The following NCOR1 variants were observed in gnomAD, a reference collection of about 807,000 sequenced individuals.
The protein encoded by NCOR1 is nuclear receptor corepressor 1.
Under a neutral mutation model 288.1 loss-of-function variants are expected in NCOR1, and 63 were observed. The ratio of observed to expected loss-of-function variants is 0.22; its 90% CI spans 0.18 to 0.27. NCOR1 has a LOEUF of 0.27. Among genes scored for constraint, NCOR1 ranks in the 10% least tolerant of loss-of-function variants. NCOR1 has a pLI of 1.00. For missense variants in NCOR1, 2,397 were observed against 3,019.2 expected (o/e 0.79, Z 4.83); for synonymous variants, 1,007 against 1,065.9 (o/e 0.94, Z 1.08).
chr17:16,170,840 C>CAA (rs556473992), intron 4 of NCOR1, among the ~76,000 whole-genome samples: 1 of 74,006 alleles, frequency 1.4e-5, no homozygotes, highest in Non-Finnish European at 2.7e-5. Context: ...GACTCCATCT[C>CAA]AAAAAAAAAA....
intron 45 of NCOR1, among the ~76,000 whole-genome samples, chr17:16,033,693 G>A (rs967951537): frequency 1.3e-5 from 2 of 152,116 alleles, no homozygotes; most frequent in Non-Finnish European, 2.9e-5. Flanking sequence ...TGTGATCATA[G>A]TTATTACATA....
chr17:16,198,357 CAA>C (rs55993030), intron 1 of NCOR1: 32,591 of 79,380 alleles, frequency 0.41, 3,987 homozygotes, highest in Middle Eastern at 0.53. Context: ...GACTCCGTCT[CAA>C]AAAAAAAAAA....
chr17:16,128,366 C>G (rs938657982), intron 14 of NCOR1, among the ~76,000 whole-genome samples: 5 of 152,180 alleles, frequency 3.3e-5, no homozygotes, highest in African/African-American at 9.7e-5. Flanking sequence ...GGGGCCATGT[C>G]CTTCCCTCTC....
rs1158715362 is a variant in NCOR1 at position 16,127,413 on chromosome 17, A to G, written c.1510-1207T>C. 4.4e-5 allele frequency among the ~76,000 whole-genome samples: 4 copies of G among 90,044 alleles called. 1 individual carries two copies. Among genetic ancestry groups the G allele is most frequent in the African/African-American group, 2.2e-4 (4 of 18,418 alleles). 59.1% of individuals were successfully genotyped at this position (90,044 alleles called of 152,430 possible). A position where few individuals can be genotyped will look rare whatever the true frequency, so the allele number is the denominator to read the frequency against. On this transcript the variant is annotated intron_variant, in intron 14 of 45. Coordinates refer to ENST00000268712, the MANE Select transcript of NCOR1 (RefSeq NM_006311.4). ...TATATACATGTGTATATGTGTATGTATATATACATGTGTATATGTGTATGT... is the reference window on the plus strand; with the variant it reads ...TATATACATGTGTATATGTGTATGTGTATATACATGTGTATATGTGTATGT...
chr17:16,195,281 G>A (rs1344541518), intron 1 of NCOR1, among the ~76,000 whole-genome samples: 1 of 152,088 alleles, frequency 6.6e-6, no homozygotes, highest in Non-Finnish European at 1.5e-5. Flanking sequence ...GACCAGCCTG[G>A]CCAACATGGT....
chr17:16,143,757 AAATT>A (rs1184756777), intron 10 of NCOR1, 61 bp from the exon 11 acceptor site: 12 of 1,224,470 alleles, frequency 9.8e-6, no homozygotes, highest in Non-Finnish European at 1.4e-5. Flanking sequence ...CATATCAATT[AAATT>A]AACTATAGAT....
rs2153055523 is a variant in NCOR1, at chr17:16,108,844, A to G, written c.2124T>C (p.Ala708=). 1.2e-6 allele frequency: 2 copies of G among 1,608,330 alleles called. No individual in the cohort carries two copies. Among genetic ancestry groups the G allele is most frequent in the Admixed American group, 1.7e-5 (1 of 59,582 alleles). The change falls in exon 19 of 46, where the codon GCT becomes GCC. Residue 708 remains alanine, a synonymous_variant. Transcript: ENST00000268712. ...QCESVASTVS[A]QEDEDIEASN... The stretch of plus-strand genomic sequence containing the variant: ...AGGCTTCAATATCTTCATCCTCCTG[A>G]GCAGAAACAGTGGAAGCGACACTTT...
intron 18 of NCOR1, among the ~76,000 whole-genome samples, chr17:16,111,111 T>TCC (rs1278292593): frequency 2.0e-5 from 3 of 152,200 alleles, no homozygotes; most frequent in Non-Finnish European, 4.4e-5. Flanking sequence ...CCAGTGTATG[T>TCC]CCCTCTCTCA....
intron 11 of NCOR1, among the ~76,000 whole-genome samples, chr17:16,139,777 G>A (rs1182181506): frequency 3.3e-5 from 5 of 152,050 alleles, no homozygotes; most frequent in Non-Finnish European, 5.9e-5. Context: ...TTTGTTACAC[G>A]TGCAGAACTT....
Position 16,061,773 on chromosome 17 carries a change from A to G in NCOR1, c.5509T>C (p.Ser1837Pro). The stretch of plus-strand genomic sequence containing the variant: ...TCATGCTTACTCTCTTTTGTTTTGG[A>G]CACATCCATCTGGGGTGCAGAAGCT... ...AAASAPQMDV[S>P]KTKESKHEAA... is the part of the protein sequence containing the mutation. Residue 1837 changes from serine to proline, a missense_variant, in exon 37 of 46, where the codon TCC becomes CCC. Physicochemically the swap from Ser to Pro is moderately conservative, Grantham distance 74. This residue lies in a region of NCOR1 where 1,872 missense variants were observed against 2,187.8 expected (regional missense o/e 0.86). Transcript: ENST00000268712. 6.2e-7 allele frequency: 1 copy of G among 1,614,136 alleles called. No homozygotes were observed. Among genetic ancestry groups the G allele is most frequent in the Non-Finnish European group, 8.5e-7 (1 of 1,180,038 alleles).
chr17:16,150,654 G>C (rs1029850382), intron 8 of NCOR1, among the ~76,000 whole-genome samples: 1 of 151,332 alleles, frequency 6.6e-6, no homozygotes, highest in Non-Finnish European at 1.5e-5. Flanking sequence ...TCTCCAGACT[G>C]TATCAGGAGA....
At chr17:16,192,153 TA>T (rs773922677) in intron 2 of NCOR1, 3,153 of 133,062 alleles carry the variant, frequency 0.024, 61 homozygotes, top group African/African-American at 0.052. Flanking sequence ...CATCTTCGTT[TA>T]AAAAAAAAAA....
intron 28 of NCOR1, among the ~76,000 whole-genome samples, chr17:16,072,832 G>C (rs1283720445): frequency 6.6e-6 from 1 of 152,144 alleles, no homozygotes; most frequent in Non-Finnish European, 1.5e-5. Flanking sequence ...AATTGGTTGA[G>C]GCAGGTTAAG....
At chr17:16,134,430 C>T (rs1437205342) in intron 14 of NCOR1, among the ~76,000 whole-genome samples, 1 of 151,970 alleles carries the variant, frequency 6.6e-6, no homozygotes, top group Non-Finnish European at 1.5e-5. Flanking sequence ...CTGAGCCTAC[C>T]TGGGGGTAAG....
chr17:16,092,137 A>C, intron 21 of NCOR1, 79 bp from the exon 22 acceptor site: 1 of 1,467,590 alleles, frequency 6.8e-7, no homozygotes, highest in Non-Finnish European at 9.4e-7. Context: ...TGTAATGCTT[A>C]TTTCTGTCAT....
chr17:16,079,271 A>G lies in NCOR1; in HGVS notation c.3501+693T>C, dbSNP rs548764381. ...GTGTGGGGATCATACTTTGAGAACA[A>G]CTGTCTTAGAGGATAGTAACTAGAC... On this transcript the variant is annotated intron_variant, in intron 26 of 45. Coordinates refer to ENST00000268712, the MANE Select transcript of NCOR1 (RefSeq NM_006311.4). Among the ~76,000 whole-genome samples the G allele has an allele frequency of 3.9e-5, 6 of 152,334 alleles. No homozygotes were observed. In the South Asian group the frequency reaches 1.0e-3, roughly 26 times the overall value.
At chr17:16,072,021 C>A in intron 29 of NCOR1, 124 bp downstream of exon 29, 2 of 748,588 alleles carry the variant, frequency 2.7e-6, no homozygotes, top group Admixed American at 3.1e-5. Flanking sequence ...AAGTAATAAC[C>A]AAGACTTTAA....
chr17:16,098,277 A>T, intron 21 of NCOR1, 90 bp downstream of exon 21: 1 of 1,308,348 alleles, frequency 7.6e-7, no homozygotes, highest in Non-Finnish European at 1.1e-6. Flanking sequence ...CTATTTTTTT[A>T]ATCAAGAACC....
rs772409776 is a variant in NCOR1, at chr17:16,101,356, C to A, written c.2584G>T (p.Val862Leu). 1.2e-6 allele frequency: 2 copies of A among 1,614,216 alleles called. No individual in the cohort carries two copies. Among genetic ancestry groups the A allele is most frequent in the Non-Finnish European group, 1.7e-6 (2 of 1,180,030 alleles). ...KVEPRDEDLV[V>L]AQQINAQRPE... ...CTTTGGGCATTTATTTGCTGAGCTACCACCAAATCTTCATCTCTAGGTTCC... is the reference window on the plus strand; with the variant it reads ...CTTTGGGCATTTATTTGCTGAGCTAACACCAAATCTTCATCTCTAGGTTCC... The change falls in exon 20 of 46, where the codon GTA (valine) becomes TTA (leucine). Residue 862 changes from valine (V) to leucine (L), a missense_variant. By Grantham distance (32) the Val-to-Leu change is conservative (BLOSUM62 1). Transcript: ENST00000268712.
Sources: gnomAD v4.1 joint callset for allele counts (sites outside exome capture counted in the v4.1 genomes callset) on GRCh38, gnomAD v4.1.1 for gene constraint, gnomAD v4.1.1 regional missense constraint, MANE v1.5 for transcripts, NCBI Gene and HGNC (gene_info 2026-07-23, HGNC 2026-07-21) for gene names.